YIPF7: variants seen among roughly 807,000 people sequenced by gnomAD.
YIPF7 encodes the protein Yip1 domain family member 7, also known as protein YIPF7.
A neutral mutation model predicts 27.2 loss-of-function variants in YIPF7; 35 were observed. The ratio of observed to expected loss-of-function variants is 1.29; its 90% CI spans 0.98 to 1.70. YIPF7 has a LOEUF of 1.70. YIPF7 is among the 40% of genes most tolerant of loss of function. The probability of loss-of-function intolerance (pLI) is 0.00; values close to 1 mark genes in which losing one functional copy is unlikely to be tolerated. For missense variants in YIPF7, 358 were observed against 303.7 expected (o/e 1.18, Z -1.33); for synonymous variants, 137 against 110.4 (o/e 1.24, Z -1.51).
upstream of YIPF7, among the ~76,000 whole-genome samples, chr4:44,656,358 TA>T (rs1224056321): frequency 1.3e-5 from 2 of 152,026 alleles, no homozygotes; most frequent in Non-Finnish European, 2.9e-5. Context: ...CCTTCATCAG[TA>T]AAAAGGAATA....
At chr4:44,625,277 A>T (rs1712594210) in intron 4 of YIPF7, among the ~76,000 whole-genome samples, 1 of 152,224 alleles carries the variant, frequency 6.6e-6, no homozygotes, top group African/African-American at 2.4e-5. Context: ...TTATGAAATC[A>T]GTATCATTAT....
intron 2 of YIPF7, among the ~76,000 whole-genome samples, chr4:44,649,279 A>G (rs1199266089): frequency 6.6e-6 from 1 of 152,132 alleles, no homozygotes; most frequent in Non-Finnish European, 1.5e-5. Context: ...TGATAGTTTG[A>G]AAAGAGGAGA....
chr4:44,649,992 A>AT lies in YIPF7; in HGVS notation c.108dup (p.Ser37IlefsTer2), dbSNP rs1173225494. 5 of 1,514,446 alleles carry AT rather than the reference A, an allele frequency of 3.3e-6. No homozygotes were observed. The highest frequency in any genetic ancestry group is 3.6e-6 in the Non-Finnish European group (4 of 1,113,874). The allele number at this position is 1,514,446 out of a possible 1,614,324, so 93.8% of individuals were successfully genotyped here. On this transcript the variant is annotated frameshift_variant, in exon 2 of 6. Coordinates refer to ENST00000415895, the MANE Select transcript of YIPF7 (RefSeq NM_182592.3). LOFTEE classifies it high-confidence loss of function. ...AAAATATTAAGTACTTACTTTCTAGATCCATAAAGATTTCCATAGGCATTA... is the reference window on the plus strand; with the variant it reads ...AAAATATTAAGTACTTACTTTCTAGATTCCATAAAGATTTCCATAGGCATTA...
chr4:44,633,284 A>C (rs1712986413), intron 3 of YIPF7, among the ~76,000 whole-genome samples: 1 of 152,216 alleles, frequency 6.6e-6, no homozygotes, highest in Non-Finnish European at 1.5e-5. Context: ...TATAAAATGG[A>C]AATAAAAATC....
intron 4 of YIPF7, among the ~76,000 whole-genome samples, chr4:44,627,666 T>C (rs1196906522): frequency 1.3e-5 from 2 of 152,192 alleles, no homozygotes; most frequent in African/African-American, 4.8e-5. Context: ...GTGATAATGT[T>C]TGCATAAAGA....
intron 1 of YIPF7, among the ~76,000 whole-genome samples, chr4:44,651,222 T>C (rs2046910): frequency 0.53 from 80,182 of 152,054 alleles, 22,512 homozygotes; most frequent in Non-Finnish European, 0.63. Flanking sequence ...TAAAATTAGA[T>C]GCAGCGATTC....
chr4:44,632,090 C>T (rs776807750), intron 3 of YIPF7, among the ~76,000 whole-genome samples: 14 of 151,994 alleles, frequency 9.2e-5, no homozygotes, highest in Non-Finnish European at 1.5e-4. Context: ...AACATAAGCC[C>T]ATACAAATAT....
intron 2 of YIPF7, among the ~76,000 whole-genome samples, chr4:44,648,258 G>C (rs972126163): frequency 6.6e-6 from 1 of 152,040 alleles, no homozygotes; most frequent in Non-Finnish European, 1.5e-5. Context: ...ATGGATTTTT[G>C]AATATTTACA....
At chr4:44,633,336 A>G (rs2109583552) in intron 3 of YIPF7, among the ~76,000 whole-genome samples, 1 of 152,338 alleles carries the variant, frequency 6.6e-6, no homozygotes, top group South Asian at 2.1e-4. Flanking sequence ...ATGTTAGAGG[A>G]GGATGTATAG....
intron 2 of YIPF7, among the ~76,000 whole-genome samples, chr4:44,637,618 TG>T (rs1198232896): frequency 7.9e-5 from 12 of 152,160 alleles, no homozygotes; most frequent in Admixed American, 3.3e-4. Context: ...CCATAGGTTT[TG>T]GGGGAACAGG....
At chr4:44,632,014 C>T (rs1180410832) in intron 3 of YIPF7, among the ~76,000 whole-genome samples, 3 of 152,044 alleles carry the variant, frequency 2.0e-5, no homozygotes, top group Admixed American at 2.0e-4. Flanking sequence ...CTGATGTCAA[C>T]CATGTATTTA....
upstream of YIPF7, among the ~76,000 whole-genome samples, chr4:44,655,989 CT>C: frequency 6.6e-6 from 1 of 152,102 alleles, no homozygotes; most frequent in African/African-American, 2.4e-5. Context: ...TTATCTTTGA[CT>C]TTTAATTTGG....
At chr4:44,650,785 G>C (rs1215597678) in intron 1 of YIPF7, among the ~76,000 whole-genome samples, 9 of 152,132 alleles carry the variant, frequency 5.9e-5, no homozygotes, top group Non-Finnish European at 1.3e-4. Flanking sequence ...TCACTTCTAG[G>C]AGTAAAGAGG....
At chr4:44,652,391 C>T (rs1247341038), upstream of YIPF7, among the ~76,000 whole-genome samples, 2 of 152,142 alleles carry the variant, frequency 1.3e-5, no homozygotes, top group Admixed American at 6.5e-5. Flanking sequence ...AAGTCAAGTC[C>T]CCTGTGGTTT....
At chr4:44,641,910 T>C (rs1246466174) in intron 2 of YIPF7, among the ~76,000 whole-genome samples, 1 of 152,164 alleles carries the variant, frequency 6.6e-6, no homozygotes, top group African/African-American at 2.4e-5. Context: ...AGGCACATCA[T>C]CAAAAACACT....
chr4:44,648,123 C>A (rs1248098994), intron 2 of YIPF7, among the ~76,000 whole-genome samples: 1 of 152,046 alleles, frequency 6.6e-6, no homozygotes, highest in Non-Finnish European at 1.5e-5. Flanking sequence ...AGATGTGTAA[C>A]CTTGAGAAAA....
At position 44,636,692 on chromosome 4, in the gene YIPF7, A is replaced by G. The variant is rs184258526; in HGVS notation, c.117-607T>C. ...CAGTTGTAGCCATTCCAAGACAGTC[A>G]TTGCCAGTAGAATTGTCTCTGAGTT... On this transcript the variant is annotated intron_variant, in intron 2 of 5. Transcript: ENST00000415895. Among the ~76,000 whole-genome samples the G allele has an allele frequency of 2.9e-3, 436 of 152,302 alleles. 8 individuals carry two copies. Among genetic ancestry groups the G allele is most frequent in the Non-Finnish European group, 6.0e-4 (41 of 68,036 alleles).
chr4:44,627,028 C>T (rs1160042795), intron 4 of YIPF7, among the ~76,000 whole-genome samples: 1 of 151,772 alleles, frequency 6.6e-6, no homozygotes, highest in Non-Finnish European at 1.5e-5. Flanking sequence ...GTGATCCGCC[C>T]GCCTCGGCCT....
chr4:44,655,006 G>A (rs749390312), upstream of YIPF7, among the ~76,000 whole-genome samples: 8 of 151,964 alleles, frequency 5.3e-5, no homozygotes, highest in Non-Finnish European at 1.0e-4. Context: ...GTTGCTAACT[G>A]CAATTAGCAG....
Sources: allele counts gnomAD v4.1 joint callset (sites outside exome capture counted in the v4.1 genomes callset), GRCh38; gene constraint gnomAD v4.1.1; transcripts MANE v1.5; gene names NCBI Gene and HGNC (gene_info 2026-07-23, HGNC 2026-07-21).